MIGA2: variants seen among roughly 807,000 people sequenced by gnomAD.
MIGA2 encodes mitoguardin 2, also known as family with sequence similarity 73, member B.
MIGA2 carries 36 observed loss-of-function variants against 69.9 expected under a neutral mutation model. The ratio of observed to expected loss-of-function variants is 0.52; its 90% CI spans 0.39 to 0.68. MIGA2 has a LOEUF of 0.68. Among genes scored for constraint, MIGA2 ranks in the 30% least tolerant of loss-of-function variants. MIGA2 has a pLI of 0.00. For synonymous variants in MIGA2, 333 were observed against 349.2 expected (o/e 0.95, Z 0.52); for missense variants, 660 against 787.7 (o/e 0.84, Z 1.94).
At chr9:129,067,976 G>A (rs1347151855) in intron 12 of MIGA2, 105 bp downstream of exon 12, 1 of 1,356,602 alleles carries the variant, frequency 7.4e-7, no homozygotes, top group South Asian at 1.3e-5. Context: ...GGCTGAGACG[G>A]TTCCATCACT....
At position 129,044,428 on chromosome 9, in the gene MIGA2, T is replaced by C. The variant is rs76740264; in HGVS notation, c.307+1914T>C. Among the ~76,000 whole-genome samples, 486 of 152,266 alleles carry C rather than the reference T, an allele frequency of 3.2e-3. 3 individuals carry two copies. Among genetic ancestry groups the C allele is most frequent in the African/African-American group, 0.01 (432 of 41,570 alleles). ...GTCAGCTCTGGTAGCCACTGCTCTA[T>C]TTTGTGGCTGCTGCTGTGGTTGTAA... On this transcript the variant is annotated intron_variant, in intron 3 of 15. Transcript: ENST00000684074.
At chr9:129,065,514 TA>T (rs1846295314) in intron 11 of MIGA2, among the ~76,000 whole-genome samples, 1 of 150,870 alleles carries the variant, frequency 6.6e-6, no homozygotes, top group Non-Finnish European at 1.5e-5. Context: ...CACACCCAGC[TA>T]ATTTTTGTAT....
chr9:129,069,544 G>A lies in MIGA2; in HGVS notation c.1459-305G>A, dbSNP rs1224100796. 5 of 521,612 alleles carry A rather than the reference G, an allele frequency of 9.6e-6. No homozygotes were observed. Among genetic ancestry groups the A allele is most frequent in the Admixed American group, 6.6e-5 (2 of 30,532 alleles). The allele number at this position is 521,612 out of a possible 1,614,324, so 32.3% of individuals were successfully genotyped here. A position where few individuals can be genotyped will look rare whatever the true frequency, so the allele number is the denominator to read the frequency against. On this transcript the variant is annotated intron_variant, in intron 14 of 15. Coordinates refer to ENST00000684074, the MANE Select transcript of MIGA2 (RefSeq NM_001329990.2). The surrounding 1 kb of genome is among the most constrained non-coding windows in gnomAD (Gnocchi z 4.9). ...TGTGCTATCTGGCCTGTGGTTTGTC[G>A]TTCCCCTCTGCGGGCCAGGCTCTGT...
intron 11 of MIGA2, among the ~76,000 whole-genome samples, chr9:129,066,997 G>T (rs1230977169): frequency 6.8e-6 from 1 of 146,156 alleles, no homozygotes; most frequent in African/African-American, 2.5e-5. Flanking sequence ...TTAGCCGGGC[G>T]TGGTGGCAGG....
intron 3 of MIGA2, among the ~76,000 whole-genome samples, chr9:129,043,338 C>T (rs1262935594): frequency 6.6e-6 from 1 of 151,856 alleles, no homozygotes. Context: ...AGTGAGTTCA[C>T]TCAGTCGATT....
In MIGA2 at chr9:129,070,708, C is replaced by T. The variant is rs753537175; in HGVS notation, c.*255C>T. 18 of 514,354 alleles carry T rather than the reference C, an allele frequency of 3.5e-5. No individual in the cohort carries two copies. In the South Asian group the frequency reaches 5.2e-4, roughly 15 times the overall value. The allele number at this position is 514,354 out of a possible 1,614,324, so 31.9% of individuals were successfully genotyped here. A position where few individuals can be genotyped will look rare whatever the true frequency, so the allele number is the denominator to read the frequency against. ...GGTTGTTGTGGAGAATTGGGACAGG[C>T]AGAGCCAGGATGCCCCAGGTGGGGG... On this transcript the variant is annotated 3_prime_UTR_variant, in exon 16 of 16. Coordinates refer to ENST00000684074, the MANE Select transcript of MIGA2 (RefSeq NM_001329990.2).
chr9:129,046,261 C>T (rs776923971), intron 3 of MIGA2, among the ~76,000 whole-genome samples: 8 of 152,120 alleles, frequency 5.3e-5, no homozygotes, highest in African/African-American at 9.7e-5. Flanking sequence ...ATCTGCACAG[C>T]GTTTAGCTTC....
rs775342063 is a variant in MIGA2 at position 129,068,266 on chromosome 9, G to C, written c.1338G>C (p.Glu446Asp). The C allele has an allele frequency of 5.6e-6, 9 of 1,613,302 alleles. No homozygotes were observed. The highest frequency in any genetic ancestry group is 6.8e-6 in the Non-Finnish European group (8 of 1,179,986). Residue 446 changes from glutamate (E) to aspartate (D), a missense_variant, in exon 13 of 16, where the codon GAG becomes GAC. This residue lies in a region of MIGA2 where 220 missense variants were observed against 301.7 expected (regional missense o/e 0.73). Transcript: ENST00000684074. The surrounding 1 kb of genome is among the most constrained non-coding windows in gnomAD (Gnocchi z 4.1). ...TCATGGACGCCTTCGAGGACCTGGA[G>C]AACCCTCCGGCCTCGGTGCTCGCCG... ...FILMDAFEDLENPPASVLAVL... is the reference protein window; with the variant it reads ...FILMDAFEDLDNPPASVLAVL...
chr9:129,045,687 T>G (rs1330292198), intron 3 of MIGA2, among the ~76,000 whole-genome samples: 1 of 151,608 alleles, frequency 6.6e-6, no homozygotes, highest in Non-Finnish European at 1.5e-5. Flanking sequence ...GCAGGAGGAT[T>G]GTTTGAGGCC....
intron 6 of MIGA2, among the ~76,000 whole-genome samples, chr9:129,052,266 G>A (rs1313105374): frequency 6.6e-6 from 1 of 151,946 alleles, no homozygotes; most frequent in African/African-American, 2.4e-5. Context: ...AGAGTCAGAG[G>A]TGCCTGCCAG....
chr9:129,038,906 C>T (rs990880403), intron 1 of MIGA2, among the ~76,000 whole-genome samples: 25 of 149,690 alleles, frequency 1.7e-4, no homozygotes, highest in African/African-American at 6.2e-4. Context: ...GGCGATTCTC[C>T]TGCCTCAGCC....
At chr9:129,065,900 C>T (rs1334773004) in intron 11 of MIGA2, among the ~76,000 whole-genome samples, 1 of 152,172 alleles carries the variant, frequency 6.6e-6, no homozygotes, top group African/African-American at 2.4e-5. Flanking sequence ...CTGCCTCCTG[C>T]TCATGAGCTG....
At chr9:129,047,188 C>T (rs1211065403) in intron 3 of MIGA2, 2 of 151,766 alleles carry the variant, frequency 1.3e-5, no homozygotes, top group Non-Finnish European at 2.9e-5. Context: ...CAAGGATTCT[C>T]CTCCTCAGCC....
At chr9:129,046,854 T>C (rs1208417590) in intron 3 of MIGA2, among the ~76,000 whole-genome samples, 1 of 151,910 alleles carries the variant, frequency 6.6e-6, no homozygotes, top group Non-Finnish European at 1.5e-5. Flanking sequence ...TTTCAGCTCA[T>C]TGCAACGTCC....
intron 6 of MIGA2, among the ~76,000 whole-genome samples, chr9:129,053,451 TC>T (rs1435686290): frequency 6.6e-6 from 1 of 150,930 alleles, no homozygotes; most frequent in African/African-American, 2.4e-5. Context: ...GCAACTTCTG[TC>T]TCCCAGGTTC....
Position 129,061,098 on chromosome 9 carries a change from T to A in MIGA2, c.895-133T>A. The A allele has an allele frequency of 2.7e-6, 2 of 727,600 alleles. No homozygotes were observed. Among genetic ancestry groups the A allele is most frequent in the Non-Finnish European group, 4.8e-6 (2 of 416,610 alleles). The allele number at this position is 727,600 out of a possible 1,614,324, so 45.1% of individuals were successfully genotyped here. ...CTCCTGGCCAGTGTTCCCTCTGACA[T>A]CCCCTCAGAGACGTTGGCAGTGGGC... is the stretch of plus-strand genomic sequence containing the variant. On this transcript the variant is annotated intron_variant, in intron 8 of 15. Coordinates refer to ENST00000684074, the MANE Select transcript of MIGA2 (RefSeq NM_001329990.2). This position sits in a 1 kb window ranked among gnomAD's most constrained non-coding sequence, Gnocchi z 5.0.
rs549807209 is a variant in MIGA2 at position 129,069,241 on chromosome 9, G to C, written c.1458+112G>C. 2.8e-5 allele frequency: 38 copies of C among 1,349,848 alleles called. No homozygotes were observed. The highest frequency in any genetic ancestry group is 4.0e-5 in the Non-Finnish European group (38 of 951,960). The allele number at this position is 1,349,848 out of a possible 1,614,324, so 83.6% of individuals were successfully genotyped here. A position where few individuals can be genotyped will look rare whatever the true frequency, so the allele number is the denominator to read the frequency against. ...GGCCACTTGGCCTTCACCGCTCACA[G>C]TCCTGGCCCCCTTGTTCCGCCGTTA... On this transcript the variant is annotated intron_variant, in intron 14 of 15. Transcript: ENST00000684074. This position sits in a 1 kb window ranked among gnomAD's most constrained non-coding sequence, Gnocchi z 4.9.
chr9:129,046,142 T>C (rs4490953), intron 3 of MIGA2, among the ~76,000 whole-genome samples: 22,962 of 151,970 alleles, frequency 0.15, 3,170 homozygotes, highest in African/African-American at 0.35. Flanking sequence ...TGTGAGCCAC[T>C]GCGCCCGGCC....
At chr9:129,056,709 G>C (rs920800651) in intron 6 of MIGA2, among the ~76,000 whole-genome samples, 1 of 151,914 alleles carries the variant, frequency 6.6e-6, no homozygotes, top group African/African-American at 2.4e-5. Context: ...AGTAGAGACG[G>C]GTTTTCACCA....
Sources: allele counts gnomAD v4.1 joint callset (sites outside exome capture counted in the v4.1 genomes callset), GRCh38; gene constraint gnomAD v4.1.1; regional missense constraint gnomAD v4.1.1; non-coding constraint Gnocchi (gnomAD v3.1); transcripts MANE v1.5; gene names NCBI Gene and HGNC (gene_info 2026-07-23, HGNC 2026-07-21).